Variants in PAK2 observed in about 807,000 individuals in gnomAD.
PAK2 encodes p21 (RAC1) activated kinase 2, also known as serine/threonine-protein kinase PAK 2.
In PAK2, 21 loss-of-function variants were observed where a neutral mutation model predicts 65.9. That is an observed-to-expected ratio of 0.32 (90% CI 0.23 to 0.46). The LOEUF is 0.46. PAK2 is among the 20% of genes least tolerant of loss of function. PAK2 has a pLI of 1.00. For missense variants in PAK2, 324 were observed against 642.6 expected (o/e 0.50, Z 5.36); for synonymous variants, 204 against 219.7 (o/e 0.93, Z 0.63).
chr3:196,785,417 C>T (rs1415440248), intron 2 of PAK2, among the ~76,000 whole-genome samples: 6 of 152,130 alleles, frequency 3.9e-5, no homozygotes. Flanking sequence ...AGATTGTTTT[C>T]TAAAAGTTTT....
chr3:196,815,513 G>T (rs1357622425), intron 11 of PAK2, among the ~76,000 whole-genome samples: 16 of 151,324 alleles, frequency 1.1e-4, no homozygotes, highest in Non-Finnish European at 1.5e-4. Flanking sequence ...AAGAGGCTGG[G>T]TACAGTGTCT....
At chr3:196,825,624 C>T (rs1560120641) in intron 13 of PAK2, among the ~76,000 whole-genome samples, 1 of 151,974 alleles carries the variant, frequency 6.6e-6, no homozygotes, top group Non-Finnish European at 1.5e-5. Context: ...GCCTGGGCCA[C>T]AGAGCCAGAC....
At chr3:196,824,363 A>G (rs1386893368) in intron 13 of PAK2, among the ~76,000 whole-genome samples, 2 of 152,188 alleles carry the variant, frequency 1.3e-5, no homozygotes, top group East Asian at 1.9e-4. Flanking sequence ...AGTTTACCAG[A>G]CAGGCAAAGG....
At chr3:196,792,483 C>G (rs902984974) in intron 2 of PAK2, among the ~76,000 whole-genome samples, 1 of 152,164 alleles carries the variant, frequency 6.6e-6, no homozygotes, top group Non-Finnish European at 1.5e-5. Flanking sequence ...CCATAACCAG[C>G]ATTCCCTTCC....
chr3:196,790,754 A>G (rs993331086), intron 2 of PAK2, among the ~76,000 whole-genome samples: 1 of 152,184 alleles, frequency 6.6e-6, no homozygotes, highest in African/African-American at 2.4e-5. Context: ...GGCCTCAACT[A>G]GCCAAGGAAG....
At chr3:196,810,713 G>C in intron 8 of PAK2, 60 bp downstream of exon 8, 1 of 882,028 alleles carries the variant, frequency 1.1e-6, no homozygotes, top group Non-Finnish European at 1.9e-6. Flanking sequence ...TGGCTTTATA[G>C]CATGATGTTT....
chr3:196,744,056 C>G (rs1016937407), intron 1 of PAK2, among the ~76,000 whole-genome samples: 3 of 152,046 alleles, frequency 2.0e-5, no homozygotes, highest in Non-Finnish European at 4.4e-5. Context: ...ACAAATTTCT[C>G]AGATTTAAAA....
chr3:196,763,426 C>T (rs1714050501), intron 1 of PAK2, among the ~76,000 whole-genome samples: 1 of 152,024 alleles, frequency 6.6e-6, no homozygotes, highest in Non-Finnish European at 1.5e-5. Flanking sequence ...CTCTCCAGCG[C>T]CCTATATCGA....
intron 1 of PAK2, among the ~76,000 whole-genome samples, chr3:196,752,957 C>T (rs1440310593): frequency 2.0e-5 from 3 of 150,780 alleles, no homozygotes; most frequent in African/African-American, 7.3e-5. Context: ...AAGAGGGTAA[C>T]GTGAGAATGG....
chr3:196,769,778 C>T (rs964129919), intron 1 of PAK2, among the ~76,000 whole-genome samples: 5 of 151,936 alleles, frequency 3.3e-5, no homozygotes, highest in African/African-American at 9.7e-5. Context: ...GATCATGCCA[C>T]TGCACTCCAG....
chr3:196,756,409 G>A (rs9877495), intron 1 of PAK2, among the ~76,000 whole-genome samples: 70,861 of 151,892 alleles, frequency 0.47, 16,985 homozygotes, highest in Non-Finnish European at 0.53. Context: ...CCCCTTTCCA[G>A]TGCGTTCCAC....
intron 1 of PAK2, among the ~76,000 whole-genome samples, chr3:196,782,118 GA>G (rs1714732822): frequency 6.6e-6 from 1 of 151,798 alleles, no homozygotes; most frequent in African/African-American, 2.4e-5. Context: ...AAATAAATAA[GA>G]ATTTTTTAGG....
chr3:196,790,180 A>G (rs114378196), intron 2 of PAK2, among the ~76,000 whole-genome samples: 19 of 152,298 alleles, frequency 1.2e-4, no homozygotes, highest in African/African-American at 4.3e-4. Flanking sequence ...AAACAGATAA[A>G]GGGTTTCTTT....
At position 196,771,939 on chromosome 3, in the gene PAK2, A is replaced by G. The variant is rs538336424; in HGVS notation, c.-21-10687A>G. 3.9e-4 allele frequency among the ~76,000 whole-genome samples: 60 copies of G among 152,288 alleles called. 2 individuals are homozygous for G. Among genetic ancestry groups the G allele is most frequent in the Admixed American group, 3.8e-3 (58 of 15,294 alleles). On this transcript the variant is annotated intron_variant, in intron 1 of 14. Coordinates refer to ENST00000327134, the MANE Select transcript of PAK2 (RefSeq NM_002577.4). ...ATTAATTCTGTCTAACACTATGTCT[A>G]TGCTGCTTTTTACTTCAAATGTTGA...
At chr3:196,815,337 C>CAA (rs746421503) in intron 11 of PAK2, among the ~76,000 whole-genome samples, 8 of 150,508 alleles carry the variant, frequency 5.3e-5, no homozygotes, top group African/African-American at 9.8e-5. Flanking sequence ...ACTAAAAATA[C>CAA]AAAAATTAGC....
chr3:196,828,799 C>T lies in PAK2; in HGVS notation c.*394C>T, dbSNP rs1284529496. Reference sequence around the variant, plus strand: ...GAGTTTTTCAGAGTATGTGTTTCATCTGCTAGTCTTTCTCTCCTTCATAGC... The same window carrying T: ...GAGTTTTTCAGAGTATGTGTTTCATTTGCTAGTCTTTCTCTCCTTCATAGC... On this transcript the variant is annotated 3_prime_UTR_variant, in exon 15 of 15. Coordinates refer to ENST00000327134, the MANE Select transcript of PAK2 (RefSeq NM_002577.4). 3 of 182,886 alleles carry T rather than the reference C, an allele frequency of 1.6e-5. No individual in the cohort carries two copies. The highest frequency in any genetic ancestry group is 7.2e-5 in the African/African-American group (3 of 41,720). The allele number at this position is 182,886 out of a possible 1,614,324, so 11.3% of individuals were successfully genotyped here.
At chr3:196,796,316 A>G (rs1715259447) in intron 2 of PAK2, among the ~76,000 whole-genome samples, 1 of 152,242 alleles carries the variant, frequency 6.6e-6, no homozygotes, top group African/African-American at 2.4e-5. Flanking sequence ...TTAAGTAACA[A>G]AAGTCATTCG....
chr3:196,782,857 G>A (rs577476520), intron 2 of PAK2, 24 bp downstream of exon 2: 1 of 1,521,756 alleles, frequency 6.6e-7, no homozygotes, highest in South Asian at 1.2e-5. Flanking sequence ...CTGGCTTTCA[G>A]AGTCTCAGCA....
intron 11 of PAK2, among the ~76,000 whole-genome samples, chr3:196,817,602 C>T (rs1351802996): frequency 6.6e-6 from 1 of 152,156 alleles, no homozygotes; most frequent in African/African-American, 2.4e-5. Flanking sequence ...ATCCACCCGC[C>T]TCGGTCTCCC....
Sources: allele counts gnomAD v4.1 joint callset (sites outside exome capture counted in the v4.1 genomes callset), GRCh38; gene constraint gnomAD v4.1.1; transcripts MANE v1.5; gene names NCBI Gene and HGNC (gene_info 2026-07-23, HGNC 2026-07-21).